Variants in COG8 observed in about 807,000 individuals in gnomAD.
COG8 encodes the protein conserved oligomeric Golgi complex subunit 8.
Under a neutral mutation model 46.5 loss-of-function variants are expected in COG8, and 45 were observed. That is an observed-to-expected ratio of 0.97 (90% CI 0.76 to 1.24). The LOEUF is 1.24. Among genes scored for constraint, COG8 ranks in the 50% most tolerant of loss-of-function variants. The pLI is 0.00. For synonymous variants in COG8, 407 were observed against 347.8 expected (o/e 1.17, Z -1.90); for missense variants, 793 against 820.8 (o/e 0.97, Z 0.41).
chr16:69,335,787 G>A (rs150718341), intron 2 of COG8, among the ~76,000 whole-genome samples: 2,234 of 149,782 alleles, frequency 0.015, 56 homozygotes, highest in African/African-American at 0.052. Context: ...CTGCACTCCA[G>A]CCTGGGGGAC....
Position 69,329,034 on chromosome 16 carries a change from C to G in COG8, c.*172G>C, listed in dbSNP as rs776308927. ...CAGTAGCAAAGCTTTAGTCATTCAC[C>G]TTCATCCAATAGACGTTTGTGAACG... is the stretch of plus-strand genomic sequence containing the variant. On this transcript the variant is annotated 3_prime_UTR_variant, in exon 6 of 6. Coordinates refer to ENST00000306875, the MANE Select transcript of COG8 (RefSeq NM_032382.5). The G allele has an allele frequency of 6.2e-7, 1 of 1,609,482 alleles. No homozygotes were observed. The highest frequency in any genetic ancestry group is 8.5e-7 in the Non-Finnish European group (1 of 1,178,720).
rs1465677024 is a variant in COG8 at position 69,332,700 on chromosome 16, T to C, written c.1582+14A>G. Reference sequence around the variant, plus strand: ...ACATCAGTAAGGCAGTTTACAGAATTTTCATTCTCTTACCTAAAGTCTGTG... The same window carrying C: ...ACATCAGTAAGGCAGTTTACAGAATCTTCATTCTCTTACCTAAAGTCTGTG... On this transcript the variant is annotated intron_variant, in intron 4 of 5. Transcript: ENST00000306875. The C allele has an allele frequency of 6.2e-7, 1 of 1,610,800 alleles. No homozygotes were observed. Among genetic ancestry groups the C allele is most frequent in the Non-Finnish European group, 8.5e-7 (1 of 1,176,904 alleles).
intron 1 of COG8, among the ~76,000 whole-genome samples, chr16:69,337,734 C>CTTTT (rs879881954): frequency 6.3e-5 from 9 of 142,662 alleles, no homozygotes; most frequent in African/African-American, 2.1e-4. Context: ...TCACAAAGGA[C>CTTTT]TTTTTTTTTT....
Position 69,335,031 on chromosome 16 carries a change from G to A in COG8, c.903C>T (p.Pro301=), listed in dbSNP as rs140736262. The change falls in exon 3 of 6, where the codon CCC becomes CCT. Residue 301 remains proline, a synonymous_variant. Coordinates refer to ENST00000306875, the MANE Select transcript of COG8 (RefSeq NM_032382.5). ...AIFSDEDPLL[P]PAMGEHTVNE... ...TCACAGTGTGCTCACCCATGGCAGG[G>A]GGCAGCAGTGGGTCCTCGTCTGAGA... The A allele has an allele frequency of 1.2e-6, 2 of 1,614,078 alleles. No homozygotes were observed. The highest frequency in any genetic ancestry group is 1.1e-5 in the South Asian group (1 of 91,090).
At chr16:69,329,248 C>T in intron 5 of COG8, 69 bp from the exon 6 acceptor site, 1 of 1,444,930 alleles carries the variant, frequency 6.9e-7, no homozygotes, top group Non-Finnish European at 9.1e-7. Flanking sequence ...CTCCCTACCC[C>T]TGCCCCCGGT....
Position 69,327,213 on chromosome 16 carries a change from G to C in COG8, c.*1993C>G, listed in dbSNP as rs1445428836. ...GACAGAGCCTTGGTCTGTCGCCCAGGCTGGAGTACAGTGGCGAGATCTCAG... is the reference window on the plus strand; with the variant it reads ...GACAGAGCCTTGGTCTGTCGCCCAGCCTGGAGTACAGTGGCGAGATCTCAG... On this transcript the variant is annotated 3_prime_UTR_variant, in exon 6 of 6. Transcript: ENST00000306875. 2 of 141,926 alleles carry C rather than the reference G, an allele frequency of 1.4e-5. No individual in the cohort carries two copies. The highest frequency in any genetic ancestry group is 5.3e-5 in the African/African-American group (2 of 37,388). The allele number at this position is 141,926 out of a possible 1,614,324, so 8.8% of individuals were successfully genotyped here.
rs565900851 is a variant in COG8, at chr16:69,332,210, C to G, written c.1582+504G>C. Reference sequence around the variant, plus strand: ...TACTAAAACACAAAAATTAGCTGGGCGTGGTGGTGCGAGTCTGTAGTCCCA... The same window carrying G: ...TACTAAAACACAAAAATTAGCTGGGGGTGGTGGTGCGAGTCTGTAGTCCCA... On this transcript the variant is annotated intron_variant, in intron 4 of 5. Coordinates refer to ENST00000306875, the MANE Select transcript of COG8 (RefSeq NM_032382.5). Among the ~76,000 whole-genome samples the G allele has an allele frequency of 2.8e-3, 428 of 152,108 alleles. 2 individuals are homozygous for G. Among genetic ancestry groups the G allele is most frequent in the African/African-American group, 9.9e-3 (410 of 41,500 alleles).
At chr16:69,334,490 G>A in intron 3 of COG8, 31 bp downstream of exon 3, 1 of 1,594,260 alleles carries the variant, frequency 6.3e-7, no homozygotes, top group African/African-American at 1.3e-5. Context: ...AGAAGGCCCA[G>A]GGTAGCAGAA....
intron 4 of COG8, among the ~76,000 whole-genome samples, chr16:69,331,835 C>A (rs1239183403): frequency 6.6e-6 from 1 of 152,122 alleles, no homozygotes; most frequent in Non-Finnish European, 1.5e-5. Context: ...CAAAAACCAC[C>A]TTTGTTACAG....
intron 4 of COG8, 114 bp from the exon 5 acceptor site, chr16:69,331,209 A>ATCCC: frequency 9.1e-7 from 1 of 1,095,818 alleles, no homozygotes; most frequent in East Asian, 2.6e-5. Flanking sequence ...GCACTTTGGG[A>ATCCC]GGCCGGGGAG....
At position 69,339,518 on chromosome 16, in the gene COG8, G is replaced by T. The variant is rs368159301; in HGVS notation, c.35C>A (p.Thr12Lys). Residue 12 changes from threonine to lysine, a missense_variant, in exon 1 of 6, where the codon ACG (threonine) becomes AAG (lysine). Physicochemically the swap from Thr to Lys is moderately conservative, Grantham distance 78. Transcript: ENST00000306875. Reference sequence around the variant, plus strand: ...CTCGCCGAGAGCCGCTGCTGTGGCCGTGGCTACCGATGGGATAGTCGCCGC... The same window carrying T: ...CTCGCCGAGAGCCGCTGCTGTGGCCTTGGCTACCGATGGGATAGTCGCCGC... Reference protein sequence around the residue: ...ATAATIPSVATATAAALGEVE... With the variant: ...ATAATIPSVAKATAAALGEVE... 2 of 1,607,588 alleles carry T rather than the reference G, an allele frequency of 1.2e-6. No individual in the cohort carries two copies. The highest frequency in any genetic ancestry group is 2.2e-5 in the East Asian group (1 of 44,878).
chr16:69,326,698 G>A lies in COG8; in HGVS notation c.*2508C>T, dbSNP rs970686083. ...TGCCAGCACACAACCTGCCATCATC[G>A]ATGTTAAACATGCTGACATGTGCAG... On this transcript the variant is annotated 3_prime_UTR_variant, in exon 6 of 6. Coordinates refer to ENST00000306875, the MANE Select transcript of COG8 (RefSeq NM_032382.5). 8 of 152,184 alleles carry A rather than the reference G, an allele frequency of 5.3e-5. No homozygotes were observed. The highest frequency in any genetic ancestry group is 1.0e-4 in the Non-Finnish European group (7 of 68,038). 9.4% of individuals were successfully genotyped at this position (152,184 alleles called of 1,614,324 possible). A position where few individuals can be genotyped will look rare whatever the true frequency, so the allele number is the denominator to read the frequency against.
At chr16:69,339,135 T>A (rs1288467947) in intron 1 of COG8, 41 bp downstream of exon 1, 1 of 1,612,578 alleles carries the variant, frequency 6.2e-7, no homozygotes, top group Non-Finnish European at 8.5e-7. Flanking sequence ...AATGTCAGCT[T>A]TTACAGTTAT....
At position 69,327,291 on chromosome 16, in the gene COG8, C is replaced by T. The variant is rs886847461; in HGVS notation, c.*1915G>A. ...TGAGCGATTCTCCCGCCTCAGCCTC[C>T]CAAGTAGCTGTGATTACAGGCGCCT... On this transcript the variant is annotated 3_prime_UTR_variant, in exon 6 of 6. Transcript: ENST00000306875. 3.3e-5 allele frequency: 5 copies of T among 151,866 alleles called. No homozygotes were observed. Among genetic ancestry groups the T allele is most frequent in the Non-Finnish European group, 1.5e-5 (1 of 68,016 alleles). 9.4% of individuals were successfully genotyped at this position (151,866 alleles called of 1,614,324 possible).
At chr16:69,330,649 A>G (rs991110846) in intron 5 of COG8, 164 bp downstream of exon 5, 42 of 1,409,846 alleles carry the variant, frequency 3.0e-5, no homozygotes, top group Non-Finnish European at 3.7e-5. Context: ...GTCGGCCAGC[A>G]CACAGCGAAG....
At position 69,328,218 on chromosome 16, in the gene COG8, T is replaced by C. The variant is rs1468210799; in HGVS notation, c.*988A>G. The C allele has an allele frequency of 6.6e-6, 1 of 152,186 alleles. No homozygotes were observed. Among genetic ancestry groups the C allele is most frequent in the African/African-American group, 2.4e-5 (1 of 41,434 alleles). The allele number at this position is 152,186 out of a possible 1,614,324, so 9.4% of individuals were successfully genotyped here. A position where few individuals can be genotyped will look rare whatever the true frequency, so the allele number is the denominator to read the frequency against. Reference sequence around the variant, plus strand: ...GCCCCGCCCTCCCAAAGTGCTGGGATTACAGGCGTGAACCACTGCACCTGG... The same window carrying C: ...GCCCCGCCCTCCCAAAGTGCTGGGACTACAGGCGTGAACCACTGCACCTGG... On this transcript the variant is annotated 3_prime_UTR_variant, in exon 6 of 6. Transcript: ENST00000306875.
chr16:69,330,652 C>A, intron 5 of COG8, 161 bp downstream of exon 5: 1 of 1,408,204 alleles, frequency 7.1e-7, no homozygotes, highest in Non-Finnish European at 9.2e-7. Flanking sequence ...GGCCAGCACA[C>A]AGCGAAGCCG....
In COG8 at chr16:69,329,170, G is replaced by C; in HGVS notation, c.*36C>G. The C allele has an allele frequency of 2.5e-6, 4 of 1,602,410 alleles. No individual in the cohort carries two copies. The highest frequency in any genetic ancestry group is 2.5e-6 in the Non-Finnish European group (3 of 1,176,700). On this transcript the variant is annotated 3_prime_UTR_variant, in exon 6 of 6. Transcript: ENST00000306875. ...CTGCCACACCACCTGTTCTCCATTG[G>C]GGTCCAGCCCTGCAAAGGAAGTTAC...
Position 69,336,512 on chromosome 16 carries a change from A to G in COG8, c.578T>C (p.Val193Ala), listed in dbSNP as rs138647246. 5.2e-4 allele frequency: 833 copies of G among 1,614,096 alleles called. 5 individuals carry two copies. In the African/African-American group the frequency reaches 9.8e-3, roughly 19 times the overall value. The change falls in exon 2 of 6, where the codon GTC (valine) becomes GCC (alanine). Residue 193 changes from valine to alanine, a missense_variant. Physicochemically the swap from Val to Ala is moderately conservative, Grantham distance 64. Transcript: ENST00000306875. ...RLERKYSSIP[V>A]IQGIVNEVRQ... ...TCTGGGCAAGGTGGCTACCTGGATGACAGGGATGGAAGAGTATTTCCTCTC... is the reference window on the plus strand; with the variant it reads ...TCTGGGCAAGGTGGCTACCTGGATGGCAGGGATGGAAGAGTATTTCCTCTC...
Sources: allele counts gnomAD v4.1 joint callset (sites outside exome capture counted in the v4.1 genomes callset), GRCh38; gene constraint gnomAD v4.1.1; transcripts MANE v1.5; gene names NCBI Gene and HGNC (gene_info 2026-07-23, HGNC 2026-07-21).